SAP30BP: variants seen among roughly 807,000 people sequenced by gnomAD.
SAP30BP encodes SAP30 binding protein.
A neutral mutation model predicts 46.3 loss-of-function variants in SAP30BP; 31 were observed. That is an observed-to-expected ratio of 0.67 (90% CI 0.50 to 0.90). SAP30BP has a LOEUF of 0.90. SAP30BP is among the 40% of genes least tolerant of loss of function. The probability of loss-of-function intolerance (pLI) is 0.00; values close to 1 mark genes in which losing one functional copy is unlikely to be tolerated. For missense variants in SAP30BP, 312 were observed against 391.0 expected (o/e 0.80, Z 1.70); for synonymous variants, 169 against 144.2 (o/e 1.17, Z -1.23).
At chr17:75,691,328 G>GA (rs1025375561) in intron 3 of SAP30BP, 2 of 425,610 alleles carry the variant, frequency 4.7e-6, no homozygotes, top group South Asian at 3.4e-5. Context: ...CAACCTAAAG[G>GA]AAAAAAATAA....
At chr17:75,697,674 A>G (rs935572479) in intron 4 of SAP30BP, among the ~76,000 whole-genome samples, 1 of 152,112 alleles carries the variant, frequency 6.6e-6, no homozygotes, top group African/African-American at 2.4e-5. Flanking sequence ...TCAACACATG[A>G]AGTCATGTTT....
At chr17:75,671,243 C>G (rs1280706103) in intron 2 of SAP30BP, among the ~76,000 whole-genome samples, 2 of 152,178 alleles carry the variant, frequency 1.3e-5, no homozygotes, top group Non-Finnish European at 2.9e-5. Context: ...CCTGCCTTTC[C>G]CAGGTCACTT....
chr17:75,689,755 T>C (rs913972204), intron 3 of SAP30BP, among the ~76,000 whole-genome samples: 2 of 152,160 alleles, frequency 1.3e-5, no homozygotes, highest in African/African-American at 4.8e-5. Context: ...AACAGTGCTT[T>C]CTTGTTGCTT....
At chr17:75,691,083 A>G (rs1325576086) in intron 3 of SAP30BP, among the ~76,000 whole-genome samples, 1 of 152,054 alleles carries the variant, frequency 6.6e-6, no homozygotes, top group African/African-American at 2.4e-5. Context: ...AGGCTCATGG[A>G]GCTGGATTCT....
chr17:75,704,321 T>TAGACCTTA (rs2060461211), intron 8 of SAP30BP, among the ~76,000 whole-genome samples: 1 of 152,238 alleles, frequency 6.6e-6, no homozygotes, highest in African/African-American at 2.4e-5. Context: ...CCCAAACCCC[T>TAGACCTTA]AGACCATAGG....
At position 75,670,062 on chromosome 17, in the gene SAP30BP, G is replaced by T. The variant is rs538954725; in HGVS notation, c.216+1437G>T. The stretch of plus-strand genomic sequence containing the variant: ...TTTCCAGCCAAGCACGGTGGCTCAT[G>T]CCTGTAATCCCAGCACTTTGGGAGG... On this transcript the variant is annotated intron_variant, in intron 2 of 10. Transcript: ENST00000584667. 2.0e-5 allele frequency among the ~76,000 whole-genome samples: 3 copies of T among 152,264 alleles called. No homozygotes were observed. In the South Asian group the frequency reaches 6.2e-4, roughly 32 times the overall value.
chr17:75,705,238 G>C (rs890184780), intron 9 of SAP30BP: 4 of 205,198 alleles, frequency 1.9e-5, no homozygotes, highest in African/African-American at 9.3e-5. Context: ...CCCACGTTAG[G>C]GCCCTGAGCA....
chr17:75,680,711 TA>T (rs2148386035), intron 3 of SAP30BP, among the ~76,000 whole-genome samples: 1 of 152,330 alleles, frequency 6.6e-6, no homozygotes, highest in South Asian at 2.1e-4. Flanking sequence ...CATGTCTCCA[TA>T]GTTTTTCACA....
intron 2 of SAP30BP, among the ~76,000 whole-genome samples, 170 bp downstream of exon 2, chr17:75,668,795 G>C (rs1024706393): frequency 6.6e-6 from 1 of 152,212 alleles, no homozygotes; most frequent in African/African-American, 2.4e-5. Flanking sequence ...GTTTGAAAAT[G>C]TATTTTCACA....
intron 2 of SAP30BP, among the ~76,000 whole-genome samples, chr17:75,671,339 T>C (rs1373698107): frequency 6.6e-6 from 1 of 152,238 alleles, no homozygotes; most frequent in African/African-American, 2.4e-5. Context: ...TGTGTAAGCC[T>C]TGGCACTTGG....
chr17:75,692,145 C>T (rs965180704), intron 3 of SAP30BP: 2 of 803,874 alleles, frequency 2.5e-6, no homozygotes, highest in African/African-American at 3.7e-5. Flanking sequence ...TGAATAGCTG[C>T]AGTGTTCTGA....
intron 2 of SAP30BP, 75 bp from the exon 3 acceptor site, chr17:75,671,741 G>A (rs1265002181): frequency 1.9e-5 from 22 of 1,145,576 alleles, no homozygotes; most frequent in Non-Finnish European, 2.7e-5. Context: ...TGTTTGCTCC[G>A]GCCCCTAGTT....
intron 3 of SAP30BP, among the ~76,000 whole-genome samples, chr17:75,690,144 A>G (rs2060220836): frequency 6.6e-6 from 1 of 152,188 alleles, no homozygotes; most frequent in African/African-American, 2.4e-5. Context: ...AAATTATAAA[A>G]TAAATCGTTC....
intron 3 of SAP30BP, among the ~76,000 whole-genome samples, chr17:75,678,035 A>G (rs1167412114): frequency 6.6e-6 from 1 of 152,104 alleles, no homozygotes; most frequent in African/African-American, 2.4e-5. Flanking sequence ...GTCTTGAGCC[A>G]TGTTGAGGGT....
chr17:75,671,999 A>C (rs2059914681), intron 3 of SAP30BP, 136 bp downstream of exon 3: 3 of 751,910 alleles, frequency 4.0e-6, no homozygotes, highest in Non-Finnish European at 4.8e-6. Context: ...GGGATAAAAT[A>C]AGCTTTATAA....
chr17:75,694,763 G>A (rs537652687), intron 4 of SAP30BP, among the ~76,000 whole-genome samples: 1 of 152,240 alleles, frequency 6.6e-6, no homozygotes, highest in African/African-American at 2.4e-5. Flanking sequence ...ACGTGCCAAC[G>A]CAGAGATGCC....
At chr17:75,692,077 C>T (rs888524661) in intron 3 of SAP30BP, 2 of 282,670 alleles carry the variant, frequency 7.1e-6, no homozygotes, top group African/African-American at 4.6e-5. Context: ...GGGGCAGTGG[C>T]TCGAAGAGAT....
intron 3 of SAP30BP, among the ~76,000 whole-genome samples, chr17:75,678,329 C>A (rs1363469281): frequency 6.6e-6 from 1 of 152,072 alleles, no homozygotes. Context: ...CTTGGGAATC[C>A]TTCTGGATAC....
chr17:75,705,317 TTA>T (rs1343063619), intron 9 of SAP30BP: 1 of 170,364 alleles, frequency 5.9e-6, no homozygotes, highest in Admixed American at 5.6e-5. Flanking sequence ...GACCAAACTG[TTA>T]TCTCTGGGCC....
Sources: gnomAD v4.1 joint callset for allele counts (sites outside exome capture counted in the v4.1 genomes callset) on GRCh38, gnomAD v4.1.1 for gene constraint, MANE v1.5 for transcripts, NCBI Gene and HGNC (gene_info 2026-07-23, HGNC 2026-07-21) for gene names.